LARGE1: variants seen among roughly 807,000 people sequenced by gnomAD.
The protein encoded by LARGE1 is LARGE xylosyl- and glucuronyltransferase 1, also known as xylosyl- and glucuronyltransferase LARGE1.
LARGE1 carries 43 observed loss-of-function variants against 87.6 expected under a neutral mutation model. That is an observed-to-expected ratio of 0.49 (90% CI 0.38 to 0.63). The LOEUF is 0.63. Among genes scored for constraint, LARGE1 ranks in the 30% least tolerant of loss-of-function variants. LARGE1 has a pLI of 0.00. For missense variants in LARGE1, 802 were observed against 1,000.2 expected, an observed-to-expected ratio of 0.80 and a Z score of 2.67; for synonymous variants, 434 against 394.6, an observed-to-expected ratio of 1.10 and a Z score of -1.18.
chr22:33,575,583 G>A (rs1325853821), intron 5 of LARGE1, among the ~76,000 whole-genome samples: 1 of 152,200 alleles, frequency 6.6e-6, no homozygotes, highest in Non-Finnish European at 1.5e-5. Flanking sequence ...GAAATGTTGA[G>A]AGAGCCTGGA....
At chr22:33,895,825 C>T (rs2065129841) in intron 1 of LARGE1, among the ~76,000 whole-genome samples, 1 of 152,196 alleles carries the variant, frequency 6.6e-6, no homozygotes, top group Non-Finnish European at 1.5e-5. Flanking sequence ...CCCCTGCACA[C>T]CCCAAGTGAA....
intron 5 of LARGE1, among the ~76,000 whole-genome samples, chr22:33,583,832 AT>A (rs1326570372): frequency 2.0e-5 from 3 of 152,132 alleles, no homozygotes; most frequent in Non-Finnish European, 2.9e-5. Flanking sequence ...GATAGTTACT[AT>A]TTTTACCTTG....
the LARGE1 span, among the ~76,000 whole-genome samples, chr22:33,146,929 T>A: frequency 3.9e-5 from 6 of 152,212 alleles, no homozygotes; most frequent in Non-Finnish European, 8.8e-5. Context: ...AACCCATTAG[T>A]CTGACCTTCA....
chr22:33,367,929 C>G (rs570251976), intron 9 of LARGE1, among the ~76,000 whole-genome samples: 1 of 152,084 alleles, frequency 6.6e-6, no homozygotes, highest in Non-Finnish European at 1.5e-5. Flanking sequence ...TGTTTAGAAC[C>G]ATGAGTAATG....
chr22:33,778,924 T>C (rs542678053), intron 1 of LARGE1, among the ~76,000 whole-genome samples: 3 of 152,316 alleles, frequency 2.0e-5, no homozygotes, highest in Admixed American at 2.0e-4. Context: ...GTGCTGGGAT[T>C]ACCAGCGTGA....
the LARGE1 span, among the ~76,000 whole-genome samples, chr22:33,074,623 C>T: frequency 2.2e-4 from 34 of 151,586 alleles, no homozygotes; most frequent in Non-Finnish European, 4.3e-4. Flanking sequence ...TGCAGTGAGC[C>T]GAGATCACAC....
chr22:33,093,828 T>C, the LARGE1 span, among the ~76,000 whole-genome samples: 2,909 of 139,316 alleles, frequency 0.021, 102 homozygotes, highest in East Asian at 0.22. Flanking sequence ...CTTTCTTTTT[T>C]TTTTTTTTTT....
intron 6 of LARGE1, among the ~76,000 whole-genome samples, chr22:33,506,471 G>GA (rs1317083098): frequency 1.3e-5 from 2 of 152,166 alleles, no homozygotes; most frequent in African/African-American, 4.8e-5. Flanking sequence ...TCCACCCGGG[G>GA]AGGAGCTGAG....
rs201991754 is a variant in LARGE1 at position 33,829,014 on chromosome 22, T to TA, written c.-82-67457_-82-67456insT. On this transcript the variant is annotated intron_variant, in intron 1 of 14. Transcript: ENST00000397394. ...TTGTGAAGTCTCTTTTTCTTTTTTT[T>TA]TTTTTTTTTTTTTTGAGAGAGTCTT... Among the ~76,000 whole-genome samples, 1,336 of 142,112 alleles carry TA rather than the reference T, an allele frequency of 9.4e-3. 25 individuals carry two copies. Among genetic ancestry groups the TA allele is most frequent in the African/African-American group, 0.034 (1,261 of 37,016 alleles). The allele number at this position is 142,112 out of a possible 152,430, so 93.2% of individuals were successfully genotyped here.
chr22:33,599,399 T>G (rs891242981), intron 5 of LARGE1, among the ~76,000 whole-genome samples: 3 of 152,090 alleles, frequency 2.0e-5, no homozygotes, highest in African/African-American at 7.2e-5. Context: ...GCTGCATGTT[T>G]TGAGTGAGTG....
chr22:33,270,127 C>T (rs1265824638), downstream of LARGE1, among the ~76,000 whole-genome samples: 2 of 152,096 alleles, frequency 1.3e-5, no homozygotes, highest in Admixed American at 6.5e-5. Flanking sequence ...TTGGATATCA[C>T]CAGTTATTTC....
chr22:33,518,537 G>A (rs1460855347), intron 6 of LARGE1, among the ~76,000 whole-genome samples: 2 of 152,202 alleles, frequency 1.3e-5, no homozygotes, highest in African/African-American at 2.4e-5. Flanking sequence ...TCGAACTCCT[G>A]ACCTCAGGTG....
chr22:33,786,597 C>T (rs1270230801), intron 1 of LARGE1, among the ~76,000 whole-genome samples: 1 of 152,206 alleles, frequency 6.6e-6, no homozygotes, highest in Non-Finnish European at 1.5e-5. Context: ...AATTCTCCTC[C>T]CTTCAGAGCC....
intron 1 of LARGE1, among the ~76,000 whole-genome samples, chr22:33,919,102 G>C (rs1398895936): frequency 7.9e-6 from 1 of 127,378 alleles, no homozygotes; most frequent in African/African-American, 3.0e-5. Flanking sequence ...GCACAGAGAC[G>C]AAAAAAAAAA....
intron 1 of LARGE1, among the ~76,000 whole-genome samples, chr22:33,841,522 G>A (rs1004310923): frequency 3.9e-5 from 6 of 152,158 alleles, no homozygotes; most frequent in Admixed American, 1.3e-4. Flanking sequence ...TACAATATCC[G>A]CAGCTCCAAC....
At chr22:33,083,072 C>G in the LARGE1 span, among the ~76,000 whole-genome samples, 3 of 152,078 alleles carry the variant, frequency 2.0e-5, no homozygotes, top group Non-Finnish European at 4.4e-5. Context: ...TTACAGTAGA[C>G]ACTCTAAATA....
rs1331237618 is a variant in LARGE1, at chr22:33,302,527, C to T, written c.1730+1702G>A. On this transcript the variant is annotated intron_variant, in intron 12 of 14. Transcript: ENST00000397394. ...GGCTGCCTGACCTTGCTCCAGACAG[C>T]GCAGGGCACGGAGGGTATGCAGGCT... 3.3e-5 allele frequency among the ~76,000 whole-genome samples: 5 copies of T among 152,148 alleles called. No individual in the cohort carries two copies. The East Asian group carries it at 7.7e-4, about 23-fold the overall frequency.
chr22:33,363,128 G>A (rs1024027039), intron 9 of LARGE1, among the ~76,000 whole-genome samples: 3 of 150,068 alleles, frequency 2.0e-5, no homozygotes, highest in African/African-American at 7.3e-5. Flanking sequence ...CTTTGGAGTA[G>A]CAGAGTGTGA....
chr22:33,735,459 C>A (rs902311004), intron 2 of LARGE1, among the ~76,000 whole-genome samples: 1 of 152,214 alleles, frequency 6.6e-6, no homozygotes, highest in East Asian at 1.9e-4. Flanking sequence ...TTACAGAGGT[C>A]CGTCCTAGCT....
Sources: allele counts gnomAD v4.1 joint callset (sites outside exome capture counted in the v4.1 genomes callset), GRCh38; gene constraint gnomAD v4.1.1; transcripts MANE v1.5; gene names NCBI Gene and HGNC (gene_info 2026-07-23, HGNC 2026-07-21).